CTDSP2: variants seen among roughly 807,000 people sequenced by gnomAD.
CTDSP2 encodes the protein CTD small phosphatase 2.
Under a neutral mutation model 31.6 loss-of-function variants are expected in CTDSP2, and 9 were observed. The observed-to-expected ratio is 0.28, with a 90% CI of 0.17 to 0.50. The LOEUF (loss-of-function observed/expected upper bound fraction) is 0.50. CTDSP2 is among the 20% of genes least tolerant of loss of function. The pLI is 0.98. For missense variants in CTDSP2, 267 were observed against 348.5 expected (o/e 0.77, Z 1.86); for synonymous variants, 134 against 134.5 (o/e 1.00, Z 0.03).
intron 1 of CTDSP2, among the ~76,000 whole-genome samples, chr12:57,833,739 C>T (rs1956230367): frequency 1.3e-5 from 2 of 152,206 alleles, no homozygotes; most frequent in Admixed American, 1.3e-4. Flanking sequence ...CACTAGTTTG[C>T]AACAGCCCAG....
At chr12:57,827,455 C>A in intron 3 of CTDSP2, 97 bp downstream of exon 3, 1 of 1,350,450 alleles carries the variant, frequency 7.4e-7, no homozygotes, top group Non-Finnish European at 1.1e-6. Context: ...AGGTGGCTGG[C>A]TAGGCACCAA....
At position 57,824,190 on chromosome 12, in the gene CTDSP2, C is replaced by A. The variant is rs757392254; in HGVS notation, c.504+37G>T. 20 of 1,610,194 alleles carry A rather than the reference C, an allele frequency of 1.2e-5. No individual in the cohort carries two copies. In the South Asian group the frequency reaches 1.5e-4, roughly 12 times the overall value. ...TGCTGGACCACCCCCGTGGCCACCACACCCACTCCTGGTTCTTCCCTCTCA... is the reference window on the plus strand; with the variant it reads ...TGCTGGACCACCCCCGTGGCCACCAAACCCACTCCTGGTTCTTCCCTCTCA... On this transcript the variant is annotated intron_variant, in intron 6 of 7. Coordinates refer to ENST00000398073, the MANE Select transcript of CTDSP2 (RefSeq NM_005730.4).
chr12:57,823,769 T>A, intron 7 of CTDSP2, 42 bp from the exon 8 acceptor site: 1 of 1,612,776 alleles, frequency 6.2e-7, no homozygotes, highest in South Asian at 1.1e-5. Flanking sequence ...CGACTGCTGC[T>A]TCCCCCTCCC....
At chr12:57,827,267 G>A (rs1468161774) in intron 3 of CTDSP2, 170 bp from the exon 4 acceptor site, 4 of 635,996 alleles carry the variant, frequency 6.3e-6, no homozygotes, top group Non-Finnish European at 1.1e-5. Flanking sequence ...CTTGGTTTCA[G>A]CCTCCCAGTG....
intron 1 of CTDSP2, among the ~76,000 whole-genome samples, chr12:57,833,506 T>C (rs1488388613): frequency 6.6e-6 from 1 of 152,192 alleles, no homozygotes; most frequent in East Asian, 1.9e-4. Flanking sequence ...GCTGTCCTCC[T>C]TTCCTTTCTA....
At position 57,823,488 on chromosome 12, in the gene CTDSP2, T is replaced by C; in HGVS notation, c.*114A>G. The C allele has an allele frequency of 1.2e-5, 15 of 1,259,606 alleles. No individual in the cohort carries two copies. The highest frequency in any genetic ancestry group is 1.7e-5 in the Non-Finnish European group (15 of 907,402). 78.0% of individuals were successfully genotyped at this position (1,259,606 alleles called of 1,614,324 possible). A position where few individuals can be genotyped will look rare whatever the true frequency, so the allele number is the denominator to read the frequency against. Reference sequence around the variant, plus strand: ...AAAGCTCTTTCCAGTTACTTCCCGCTGTTTCCGGGCCGTGTGGTGAGGCAC... The same window carrying C: ...AAAGCTCTTTCCAGTTACTTCCCGCCGTTTCCGGGCCGTGTGGTGAGGCAC... On this transcript the variant is annotated 3_prime_UTR_variant, in exon 8 of 8. Transcript: ENST00000398073.
At chr12:57,824,595 G>A (rs1351084627) in intron 5 of CTDSP2, 6 of 625,980 alleles carry the variant, frequency 9.6e-6, no homozygotes, top group South Asian at 5.6e-5. Flanking sequence ...CTCTGTTTCC[G>A]GCGGCGGACC....
At chr12:57,838,950 T>C (rs755330206) in intron 1 of CTDSP2, among the ~76,000 whole-genome samples, 66 of 152,184 alleles carry the variant, frequency 4.3e-4, no homozygotes, top group Non-Finnish European at 7.5e-4. Flanking sequence ...AAAGGGACCA[T>C]AGAGATTTCT....
At chr12:57,846,272 T>C in intron 1 of CTDSP2, 100 bp downstream of exon 1, 4 of 1,140,412 alleles carry the variant, frequency 3.5e-6, no homozygotes, top group Non-Finnish European at 5.0e-6. Context: ...TCGCTGGCTC[T>C]AAGCCCTGGA....
At chr12:57,844,095 T>A (rs547209367) in intron 1 of CTDSP2, among the ~76,000 whole-genome samples, 1 of 152,296 alleles carries the variant, frequency 6.6e-6, no homozygotes, top group Admixed American at 6.5e-5. Context: ...CTTGGGAGGC[T>A]GAGGCAGGAG....
intron 1 of CTDSP2, among the ~76,000 whole-genome samples, chr12:57,831,352 C>T (rs1330856482): frequency 1.3e-5 from 2 of 151,942 alleles, no homozygotes; most frequent in Non-Finnish European, 2.9e-5. Context: ...ACTTGGGAGG[C>T]TGAGGCAGGA....
In CTDSP2 at chr12:57,820,533, T is replaced by G. The variant is rs2140469677; in HGVS notation, c.*3069A>C. ...GGCAGCAGAATAGAATAGCATCCAT[T>G]TCCCAGAGAAAGACTGCCTTTACAT... is the stretch of plus-strand genomic sequence containing the variant. On this transcript the variant is annotated 3_prime_UTR_variant, in exon 8 of 8. Transcript: ENST00000398073. 1 of 152,616 alleles carries G rather than the reference T, an allele frequency of 6.6e-6. No individual in the cohort carries two copies. Among genetic ancestry groups the G allele is most frequent in the African/African-American group, 2.4e-5 (1 of 41,562 alleles). The allele number at this position is 152,616 out of a possible 1,614,324, so 9.5% of individuals were successfully genotyped here.
Position 57,823,572 on chromosome 12 carries a change from G to A in CTDSP2, c.*30C>T, listed in dbSNP as rs574758793. On this transcript the variant is annotated 3_prime_UTR_variant, in exon 8 of 8. Coordinates refer to ENST00000398073, the MANE Select transcript of CTDSP2 (RefSeq NM_005730.4). Reference sequence around the variant, plus strand: ...GCACAGTGTGGGAAAGTCCCCTACTGGGATGGCCGTCGCTTGGAAGCAGGG... The same window carrying A: ...GCACAGTGTGGGAAAGTCCCCTACTAGGATGGCCGTCGCTTGGAAGCAGGG... The A allele has an allele frequency of 4.3e-6, 7 of 1,611,660 alleles. No homozygotes were observed. Among genetic ancestry groups the A allele is most frequent in the Non-Finnish European group, 5.9e-6 (7 of 1,179,452 alleles).
chr12:57,824,078 A>T lies in CTDSP2; in HGVS notation c.516T>A (p.Pro172=), dbSNP rs369014414. Residue 172 remains proline, a synonymous_variant, in exon 7 of 8, where the codon CCT becomes CCA. Transcript: ENST00000398073. ...FTASLAKYAD[P]VTDLLDRCGV... ...CACACCGGTCCAGCAGGTCTGTCAC[A>T]GGGTCGGCATACTAGGAGGAGAGAA... 3 of 1,613,998 alleles carry T rather than the reference A, an allele frequency of 1.9e-6. No individual in the cohort carries two copies. In the Admixed American group the frequency reaches 5.0e-5, roughly 27 times the overall value.
intron 1 of CTDSP2, among the ~76,000 whole-genome samples, chr12:57,841,324 T>C (rs1176248872): frequency 3.3e-5 from 5 of 152,218 alleles, no homozygotes; most frequent in Non-Finnish European, 5.9e-5. Flanking sequence ...TCTATTTCTC[T>C]TCAAACCCCA....
intron 1 of CTDSP2, 92 bp downstream of exon 1, chr12:57,846,280 G>A (rs1225766784): frequency 1.7e-6 from 2 of 1,203,462 alleles, no homozygotes; most frequent in Non-Finnish European, 2.4e-6. Context: ...TCTAAGCCCT[G>A]GAGGTCAAGG....
At position 57,821,846 on chromosome 12, in the gene CTDSP2, A is replaced by T. The variant is rs1159118235; in HGVS notation, c.*1756T>A. The T allele has an allele frequency of 6.6e-6, 1 of 152,272 alleles. No individual in the cohort carries two copies. Among genetic ancestry groups the T allele is most frequent in the Non-Finnish European group, 1.5e-5 (1 of 68,080 alleles). 9.4% of individuals were successfully genotyped at this position (152,272 alleles called of 1,614,324 possible). A position where few individuals can be genotyped will look rare whatever the true frequency, so the allele number is the denominator to read the frequency against. On this transcript the variant is annotated 3_prime_UTR_variant, in exon 8 of 8. Coordinates refer to ENST00000398073, the MANE Select transcript of CTDSP2 (RefSeq NM_005730.4). ...AGACAAGGCCTTATAACCTTGGGAC[A>T]AGAAGGGAAGGTGGCACCACAACGC...
At chr12:57,835,259 C>T (rs968260003) in intron 1 of CTDSP2, among the ~76,000 whole-genome samples, 1 of 150,592 alleles carries the variant, frequency 6.6e-6, no homozygotes, top group African/African-American at 2.5e-5. Flanking sequence ...ACCCAGAAGG[C>T]GGAGGCTGCG....
At chr12:57,832,579 G>T (rs1450389883) in intron 1 of CTDSP2, among the ~76,000 whole-genome samples, 12 of 151,932 alleles carry the variant, frequency 7.9e-5, no homozygotes, top group Non-Finnish European at 1.5e-5. Flanking sequence ...ATCGCCTGAG[G>T]TCAGGAGTTC....
Sources: gnomAD v4.1 joint callset for allele counts (sites outside exome capture counted in the v4.1 genomes callset) on GRCh38, gnomAD v4.1.1 for gene constraint, MANE v1.5 for transcripts, NCBI Gene and HGNC (gene_info 2026-07-23, HGNC 2026-07-21) for gene names.